USP34: variants seen among roughly 807,000 people sequenced by gnomAD.
The protein encoded by USP34 is ubiquitin specific peptidase 34.
Under a neutral mutation model 460.3 loss-of-function variants are expected in USP34, and 70 were observed. The ratio of observed to expected loss-of-function variants is 0.15; its 90% confidence interval spans 0.13 to 0.19. USP34 has a LOEUF of 0.19. USP34 is among the 10% of genes least tolerant of loss of function. USP34 has a pLI of 1.00. For synonymous variants in USP34, 1,647 were observed against 1,405.3 expected, an observed-to-expected ratio of 1.17 and a Z score of -3.85; for missense variants, 3,985 against 4,236.2, an observed-to-expected ratio of 0.94 and a Z score of 1.65.
At chr2:61,325,325 C>A (rs1320797829) in intron 21 of USP34, 50 bp downstream of exon 21, 7 of 1,218,848 alleles carry the variant, frequency 5.7e-6, no homozygotes, top group Non-Finnish European at 6.8e-6. Context: ...AAATTTAGTT[C>A]TTCCAATAGT....
Position 61,246,326 on chromosome 2 carries a change from T to C in USP34, c.6546A>G (p.Lys2182=), listed in dbSNP as rs1191674220. Residue 2182 remains lysine, a splice_region_variant and synonymous_variant, in exon 50 of 80, where the codon AAA becomes AAG. Coordinates refer to ENST00000398571, the MANE Select transcript of USP34 (RefSeq NM_014709.4). ...GTTTTGAAATATTTAAAACTCACCA[T>C]TTATTGTTTTTATAAGCATGGGGAT... The part of the protein sequence containing the change: ...IVNPHAYKNN[K]WYLFNDAEVK... The C allele has an allele frequency of 1.3e-6, 2 of 1,547,166 alleles. No homozygotes were observed. Among genetic ancestry groups the C allele is most frequent in the Admixed American group, 2.0e-5 (1 of 50,844 alleles).
chr2:61,235,847 C>T lies in USP34; in HGVS notation c.7030G>A (p.Glu2344Lys). The T allele has an allele frequency of 3.1e-6, 5 of 1,612,558 alleles. No homozygotes were observed. The highest frequency in any genetic ancestry group is 4.2e-6 in the Non-Finnish European group (5 of 1,179,618). ...TAGTTGTTGAATTATCACCTTACCT[C>T]ACAAGCTGCCTGACTATTATTAAAC... Reference protein sequence around the residue: ...KQFNNSQAACEWFLDRMADDD... With the variant: ...KQFNNSQAACKWFLDRMADDD... Residue 2344 changes from glutamate to lysine, a missense_variant and splice_region_variant, in exon 57 of 80, where the codon GAG becomes AAG. By Grantham distance (56) the Glu-to-Lys change is moderately conservative. Coordinates refer to ENST00000398571, the MANE Select transcript of USP34 (RefSeq NM_014709.4).
In USP34 at chr2:61,278,652, C is replaced by A. The variant is rs75749946; in HGVS notation, c.5257-209G>T. 6.5e-3 allele frequency among the ~76,000 whole-genome samples: 990 copies of A among 152,142 alleles called. 11 individuals carry two copies. Among genetic ancestry groups the A allele is most frequent in the African/African-American group, 0.023 (966 of 41,508 alleles). ...CATCACTGATCATTCTACAAAAAAA[C>A]AATCAATGGAATGTTGATAATAAAA... On this transcript the variant is annotated intron_variant, in intron 39 of 79. Coordinates refer to ENST00000398571, the MANE Select transcript of USP34 (RefSeq NM_014709.4).
At chr2:61,346,830 T>TGA (rs1691784132) in intron 15 of USP34, among the ~76,000 whole-genome samples, 1 of 27,028 alleles carries the variant, frequency 3.7e-5, no homozygotes, top group Non-Finnish European at 6.3e-5. Context: ...AGATTCCAAC[T>TGA]CAAAAAAAAA....
intron 57 of USP34, among the ~76,000 whole-genome samples, chr2:61,235,128 T>C (rs923908977): frequency 1.1e-4 from 16 of 152,204 alleles, no homozygotes; most frequent in African/African-American, 3.4e-4. Context: ...TACATGGTGA[T>C]AGATGTGTTA....
intron 8 of USP34, among the ~76,000 whole-genome samples, chr2:61,376,887 G>C (rs1692814955): frequency 6.6e-6 from 1 of 152,138 alleles, no homozygotes; most frequent in African/African-American, 2.4e-5. Flanking sequence ...CAAGTGATCT[G>C]CCCGCCTCAG....
At chr2:61,202,908 A>C (rs923690162) in intron 75 of USP34, among the ~76,000 whole-genome samples, 1 of 151,866 alleles carries the variant, frequency 6.6e-6, no homozygotes, top group African/African-American at 2.4e-5. Context: ...GATCAGCCCT[A>C]CTCCACACTC....
intron 1 of USP34, among the ~76,000 whole-genome samples, chr2:61,433,151 G>A (rs1406211948): frequency 6.6e-6 from 1 of 152,234 alleles, no homozygotes; most frequent in Non-Finnish European, 1.5e-5. Flanking sequence ...GTTGGGGAAT[G>A]GAGACACACC....
rs975813418 is a variant in USP34, at chr2:61,320,954, G to C, written c.3014-1627C>G. 2.6e-5 allele frequency among the ~76,000 whole-genome samples: 4 copies of C among 152,174 alleles called. No homozygotes were observed. In the East Asian group the frequency reaches 7.7e-4, roughly 29 times the overall value. On this transcript the variant is annotated intron_variant, in intron 21 of 79. Transcript: ENST00000398571. ...GAACCCGGGAGGTGGAGGTTGCAGT[G>C]AGCTGAGGCCTCACCACTGCACTCC...
intron 1 of USP34, among the ~76,000 whole-genome samples, chr2:61,467,872 C>T (rs912050280): frequency 2.0e-5 from 3 of 152,054 alleles, no homozygotes; most frequent in Middle Eastern, 3.4e-3. Flanking sequence ...CCGCCCACCT[C>T]GGCCTCCCAA....
At chr2:61,405,584 A>G in intron 3 of USP34, 124 bp downstream of exon 3, 9 of 981,020 alleles carry the variant, frequency 9.2e-6, no homozygotes, top group Non-Finnish European at 1.2e-5. Context: ...GAAACATTAA[A>G]TAATTCTGGT....
At chr2:61,441,726 C>T (rs1240452233) in intron 1 of USP34, among the ~76,000 whole-genome samples, 1 of 148,526 alleles carries the variant, frequency 6.7e-6, no homozygotes, top group African/African-American at 2.5e-5. Context: ...ATCAACTGTG[C>T]TCAGGTCAAG....
intron 67 of USP34, among the ~76,000 whole-genome samples, chr2:61,219,530 G>C (rs1687497263): frequency 6.6e-6 from 1 of 152,094 alleles, no homozygotes; most frequent in South Asian, 2.1e-4. Context: ...AATTAGCTGA[G>C]TGTGGTGGCG....
At chr2:61,259,081 G>A (rs1174866612) in intron 44 of USP34, among the ~76,000 whole-genome samples, 2 of 152,018 alleles carry the variant, frequency 1.3e-5, no homozygotes, top group Non-Finnish European at 2.9e-5. Context: ...CCAACATGGT[G>A]AAAGCTGTCT....
chr2:61,204,584 C>T lies in USP34; in HGVS notation c.9172G>A (p.Val3058Ile). The T allele has an allele frequency of 6.2e-7, 1 of 1,613,796 alleles. No homozygotes were observed. Among genetic ancestry groups the T allele is most frequent in the Non-Finnish European group, 8.5e-7 (1 of 1,179,932 alleles). ...AGAAAATCATGGGGACTCAAAAGTACAAGTTCCTTGAGGACATCTGAAAAT... is the reference window on the plus strand; with the variant it reads ...AGAAAATCATGGGGACTCAAAAGTATAAGTTCCTTGAGGACATCTGAAAAT... Reference protein sequence around the residue: ...NACIDVLKELVLLSPHDFLHT... With the variant: ...NACIDVLKELILLSPHDFLHT... The change falls in exon 73 of 80, where the codon GTA becomes ATA. Residue 3058 changes from valine (V) to isoleucine (I), a missense_variant. Val to Ile is a conservative substitution (Grantham distance 29). Transcript: ENST00000398571.
intron 15 of USP34, chr2:61,346,138 C>T (rs1026769545): frequency 6.6e-6 from 1 of 151,992 alleles, no homozygotes; most frequent in Non-Finnish European, 1.5e-5. Context: ...CTTTTTTAGG[C>T]ATTTATTACA....
rs1402185450 is a variant in USP34 at position 61,204,505 on chromosome 2, T to C, written c.9251A>G (p.Asn3084Ser). ...GCTAGATAAATACGTACTTGGTATA[T>C]TACTGTGATGGTAAGTACAATGGTT... ...QHNHCTYHHS[N>S]IPMSLGPYFP... Residue 3084 changes from asparagine (N) to serine (S), a missense_variant, in exon 73 of 80, where the codon AAT (asparagine) becomes AGT (serine). Physicochemically the swap from Asn to Ser is conservative, Grantham distance 46. Around this residue, in one of 14 missense-constraint regions of USP34, gnomAD observed 275 missense variants for 292.7 expected, o/e 0.94. Transcript: ENST00000398571. 1 of 1,613,868 alleles carries C rather than the reference T, an allele frequency of 6.2e-7. No homozygotes were observed. The highest frequency in any genetic ancestry group is 8.5e-7 in the Non-Finnish European group (1 of 1,179,760).
intron 5 of USP34, among the ~76,000 whole-genome samples, chr2:61,385,028 T>G (rs781504695): frequency 7.9e-5 from 12 of 152,142 alleles, no homozygotes; most frequent in Non-Finnish European, 1.3e-4. Context: ...TAGGTTAATA[T>G]AAACAAATAT....
At chr2:61,406,904 G>T (rs1693890461) in intron 2 of USP34, among the ~76,000 whole-genome samples, 1 of 152,020 alleles carries the variant, frequency 6.6e-6, no homozygotes, top group Admixed American at 6.6e-5. Flanking sequence ...CAGCTACTTG[G>T]GAGGCTGAGG....
Sources: allele counts gnomAD v4.1 joint callset (sites outside exome capture counted in the v4.1 genomes callset), GRCh38; gene constraint gnomAD v4.1.1; regional missense constraint gnomAD v4.1.1; transcripts MANE v1.5; gene names NCBI Gene and HGNC (gene_info 2026-07-23, HGNC 2026-07-21).